ZNF497: variants seen among roughly 807,000 people sequenced by gnomAD.
ZNF497 encodes zinc finger protein 497.
For synonymous variants in ZNF497, 422 were observed against 313.7 expected, an observed-to-expected ratio of 1.35 and a Z score of -3.65; for missense variants, 930 against 714.0, an observed-to-expected ratio of 1.30 and a Z score of -3.45.
intron 1 of ZNF497, chr19:58,358,857 G>T (rs925656625): frequency 6.6e-6 from 3 of 456,772 alleles, no homozygotes; most frequent in Non-Finnish European, 8.8e-6. Flanking sequence ...AGCTGGGGTC[G>T]TGAGCAGGGG....
At position 58,357,198 on chromosome 19, in the gene ZNF497, G is replaced by A. The variant is rs766224397; in HGVS notation, c.438C>T (p.Ser146=). The stretch of plus-strand genomic sequence containing the variant: ...TGCGCTGGTGCTGGCTGAGGTTGGA[G>A]CTCCAGGCGAAGGCCTTGCCGCACT... ...CPECGKAFAW[S]SNLSQHQRIH... Residue 146 remains serine (S), a synonymous_variant, in exon 3 of 3, where the codon AGC becomes AGT. Coordinates refer to ENST00000311044, the MANE Select transcript of ZNF497 (RefSeq NM_198458.3). 1 of 1,613,054 alleles carries A rather than the reference G, an allele frequency of 6.2e-7. No individual in the cohort carries two copies.
rs759255818 is a variant in ZNF497, at chr19:58,356,446, C to T, written c.1190G>A (p.Gly397Asp). ...ACADCGKAFR[G>D]SSGLAHHRLS... is the part of the protein sequence containing the mutation. ...CCGGTGGTGCGCCAGGCCGGAACTG[C>T]CGCGGAAGGCCTTGCCGCAGTCGGC... Residue 397 changes from glycine to aspartate, a missense_variant, in exon 3 of 3, where the codon GGC becomes GAC. Gly to Asp is a moderately conservative substitution (Grantham distance 94). Coordinates refer to ENST00000311044, the MANE Select transcript of ZNF497 (RefSeq NM_198458.3). The T allele has an allele frequency of 4.5e-6, 7 of 1,556,582 alleles. No homozygotes were observed. Among genetic ancestry groups the T allele is most frequent in the Non-Finnish European group, 6.0e-6 (7 of 1,157,226 alleles).
At position 58,355,289 on chromosome 19, in the gene ZNF497, C is replaced by A; in HGVS notation, c.*850G>T. The A allele has an allele frequency of 6.6e-6, 1 of 152,500 alleles. No individual in the cohort carries two copies. Among genetic ancestry groups the A allele is most frequent in the South Asian group, 2.1e-4 (1 of 4,840 alleles). The allele number at this position is 152,500 out of a possible 1,614,324, so 9.4% of individuals were successfully genotyped here. A position where few individuals can be genotyped will look rare whatever the true frequency, so the allele number is the denominator to read the frequency against. ...CTTTGGGAGGCTGAGGCAGGAGGAT[C>A]ACTTGAGCCCAGGAGTTTTGAGACC... On this transcript the variant is annotated 3_prime_UTR_variant, in exon 3 of 3. Transcript: ENST00000311044.
At chr19:58,359,090 C>A in intron 1 of ZNF497, 1 of 889,004 alleles carries the variant, frequency 1.1e-6, no homozygotes, top group Admixed American at 2.3e-5. Context: ...CAGCCACTGG[C>A]AACACAGCTC....
rs1235651558 is a variant in ZNF497, at chr19:58,362,724, C to G, written c.-159G>C. ...CCACTAGGAGCGGCCTGAAAGAGGCCCGCACGCGGGCTCGAGCCGCGTGGA... is the reference window on the plus strand; with the variant it reads ...CCACTAGGAGCGGCCTGAAAGAGGCGCGCACGCGGGCTCGAGCCGCGTGGA... On this transcript the variant is annotated 5_prime_UTR_variant, in exon 1 of 3. Coordinates refer to ENST00000311044, the MANE Select transcript of ZNF497 (RefSeq NM_198458.3). 1 of 152,202 alleles carries G rather than the reference C, an allele frequency of 6.6e-6. No homozygotes were observed. The highest frequency in any genetic ancestry group is 1.9e-4 in the East Asian group (1 of 5,186). The allele number at this position is 152,202 out of a possible 1,614,324, so 9.4% of individuals were successfully genotyped here.
At position 58,358,260 on chromosome 19, in the gene ZNF497, C is replaced by T. The variant is rs1308623309; in HGVS notation, c.-15+229G>A. On this transcript the variant is annotated intron_variant, in intron 2 of 2. Coordinates refer to ENST00000311044, the MANE Select transcript of ZNF497 (RefSeq NM_198458.3). ...GCAGGTCAGACCAGGTGGTCCAAGG[C>T]ATGGGGTGGCTGTGCAGCCCAGATC... is the stretch of plus-strand genomic sequence containing the variant. 4 of 1,289,694 alleles carry T rather than the reference C, an allele frequency of 3.1e-6. No individual in the cohort carries two copies. The East Asian group carries it at 2.2e-4, about 71-fold the overall frequency. 79.9% of individuals were successfully genotyped at this position (1,289,694 alleles called of 1,614,324 possible).
Position 58,356,777 on chromosome 19 carries a change from CCACA to C in ZNF497, c.855_858del (p.Val286ArgfsTer88). 6.4e-7 allele frequency: 1 copy of C among 1,558,346 alleles called. No individual in the cohort carries two copies. The highest frequency in any genetic ancestry group is 8.6e-7 in the Non-Finnish European group (1 of 1,159,860). ...GTGCGCCGGTGCTGCCGCAGCCCCG[CCACA>C]CGCACGAAGGCCTTGCCGCAGTCGG... On this transcript the variant is annotated frameshift_variant, in exon 3 of 3. Transcript: ENST00000311044.
chr19:58,356,420 G>A lies in ZNF497; in HGVS notation c.1216C>T (p.Leu406Phe). 1 of 1,563,654 alleles carries A rather than the reference G, an allele frequency of 6.4e-7. No homozygotes were observed. Among genetic ancestry groups the A allele is most frequent in the East Asian group, 2.3e-5 (1 of 42,670 alleles). Residue 406 changes from leucine to phenylalanine, a missense_variant, in exon 3 of 3, where the codon CTT (leucine) becomes TTT (phenylalanine). By Grantham distance (22) the Leu-to-Phe change is conservative. Transcript: ENST00000311044. ...RGSSGLAHHR[L>F]SHTGERPFAC... ...AAGGGTCGCTCTCCCGTGTGCGAAA[G>A]CCGGTGGTGCGCCAGGCCGGAACTG...
In ZNF497 at chr19:58,358,589, G is replaced by A; in HGVS notation, c.-111-4C>T. The A allele has an allele frequency of 5.1e-6, 6 of 1,184,794 alleles. No individual in the cohort carries two copies. Among genetic ancestry groups the A allele is most frequent in the Non-Finnish European group, 6.4e-6 (6 of 936,200 alleles). The allele number at this position is 1,184,794 out of a possible 1,614,324, so 73.4% of individuals were successfully genotyped here. ...CTTGGGGCCTGGGGGCTGGCACCTG[G>A]GGACAGGAAGGCAGCAGGGCAGGGT... On this transcript the variant is annotated splice_polypyrimidine_tract_variant and splice_region_variant and intron_variant, in intron 1 of 2. Transcript: ENST00000311044.
At chr19:58,359,360 G>T (rs1308493020) in intron 1 of ZNF497, 4 of 905,252 alleles carry the variant, frequency 4.4e-6, no homozygotes, top group South Asian at 2.7e-5. Context: ...GCACAGCAAG[G>T]CCACGAAGGT....
Position 58,357,480 on chromosome 19 carries a change from C to T in ZNF497, c.156G>A (p.Gly52=), listed in dbSNP as rs2052041446. 6 of 1,594,294 alleles carry T rather than the reference C, an allele frequency of 3.8e-6. No individual in the cohort carries two copies. In the African/African-American group the frequency reaches 8.1e-5, roughly 21 times the overall value. Residue 52 remains glycine, a synonymous_variant, in exon 3 of 3, where the codon GGG becomes GGA. Coordinates refer to ENST00000311044, the MANE Select transcript of ZNF497 (RefSeq NM_198458.3). ...ENSTEVPREA[G]DGQRQQATLG... is the part of the protein sequence containing the mutation. The stretch of plus-strand genomic sequence containing the variant: ...GTGTGGCTTGCTGCCGCTGGCCGTC[C>T]CCTGCCTCCCTCGGAACCTCCGTGG...
intron 1 of ZNF497, among the ~76,000 whole-genome samples, chr19:58,362,027 G>A (rs1437788565): frequency 6.6e-6 from 1 of 152,160 alleles, no homozygotes. Context: ...CCTCCCCGAC[G>A]TCCTCACGTC....
intron 1 of ZNF497, chr19:58,359,575 C>T: frequency 1.7e-5 from 7 of 412,350 alleles, no homozygotes; most frequent in South Asian, 1.2e-4. Flanking sequence ...CTCCTTGGCA[C>T]CCTTCATCCC....
rs763480315 is a variant in ZNF497, at chr19:58,356,451, G to C, written c.1185C>G (p.Phe395Leu). 1.3e-6 allele frequency: 2 copies of C among 1,558,072 alleles called. No homozygotes were observed. Among genetic ancestry groups the C allele is most frequent in the East Asian group, 4.7e-5 (2 of 42,244 alleles). ...GGTGCGCCAGGCCGGAACTGCCGCG[G>C]AAGGCCTTGCCGCAGTCGGCGCAGG... Reference protein sequence around the residue: ...PFACADCGKAFRGSSGLAHHR... With the variant: ...PFACADCGKALRGSSGLAHHR... Residue 395 changes from phenylalanine to leucine, a missense_variant, in exon 3 of 3, where the codon TTC (phenylalanine) becomes TTG (leucine). Physicochemically the swap from Phe to Leu is conservative, Grantham distance 22 (BLOSUM62 0). Coordinates refer to ENST00000311044, the MANE Select transcript of ZNF497 (RefSeq NM_198458.3).
At chr19:58,362,256 C>T (rs1042366523) in intron 1 of ZNF497, among the ~76,000 whole-genome samples, 21 of 152,334 alleles carry the variant, frequency 1.4e-4, no homozygotes, top group Non-Finnish European at 1.9e-4. Context: ...TGGCGCGAGG[C>T]CTGTGCGGGC....
At chr19:58,362,351 TG>T in intron 1 of ZNF497, among the ~76,000 whole-genome samples, 1 of 152,012 alleles carries the variant, frequency 6.6e-6, no homozygotes, top group Non-Finnish European at 1.5e-5. Context: ...TAAATGAATG[TG>T]GGAAGAAATG....
At chr19:58,361,895 T>C (rs2052097884) in intron 1 of ZNF497, among the ~76,000 whole-genome samples, 1 of 152,142 alleles carries the variant, frequency 6.6e-6, no homozygotes, top group South Asian at 2.1e-4. Flanking sequence ...CATCCTGTGG[T>C]GTGCGACCCC....
Position 58,356,682 on chromosome 19 carries a change from C to T in ZNF497, c.954G>A (p.Leu318=), listed in dbSNP as rs771681447. Residue 318 remains leucine (L), a synonymous_variant, in exon 3 of 3, where the codon CTG becomes CTA. Coordinates refer to ENST00000311044, the MANE Select transcript of ZNF497 (RefSeq NM_198458.3). ...CACCAGTGTGCGTGCGCTGGTGCTG[C>T]AGGAGCTGCGAGCTCTCGCGGAAAG... The part of the protein sequence containing the change: ...GKAFRESSQL[L]QHQRTHTGER... 5.1e-6 allele frequency: 8 copies of T among 1,557,194 alleles called. No individual in the cohort carries two copies. The highest frequency in any genetic ancestry group is 2.4e-5 in the East Asian group (1 of 42,066).
intron 1 of ZNF497, among the ~76,000 whole-genome samples, chr19:58,361,459 C>A (rs879660758): frequency 6.6e-6 from 1 of 152,122 alleles, no homozygotes; most frequent in South Asian, 2.1e-4. Context: ...TGGGTACAAG[C>A]GATTCTCCTG....
Sources: gnomAD v4.1 joint callset for allele counts (sites outside exome capture counted in the v4.1 genomes callset) on GRCh38, gnomAD v4.1.1 for gene constraint, MANE v1.5 for transcripts, NCBI Gene and HGNC (gene_info 2026-07-23, HGNC 2026-07-21) for gene names.